PLEKHA7: variants seen among roughly 807,000 people sequenced by gnomAD.
The protein encoded by PLEKHA7 is pleckstrin homology domain-containing family A member 7.
A neutral mutation model predicts 170.0 loss-of-function variants in PLEKHA7; 104 were observed. That is an observed-to-expected ratio of 0.61 (90% CI 0.52 to 0.72). The LOEUF is 0.72. PLEKHA7 is among the 30% of genes least tolerant of loss of function. PLEKHA7 has a pLI of 0.00. For synonymous variants in PLEKHA7, 648 were observed against 660.8 expected (o/e 0.98, Z 0.30); for missense variants, 1,615 against 1,671.7 (o/e 0.97, Z 0.59).
At position 16,801,089 on chromosome 11, in the gene PLEKHA7, C is replaced by A. The variant is rs369148644; in HGVS notation, c.2308-14G>T. 8.1e-6 allele frequency: 13 copies of A among 1,610,460 alleles called. No homozygotes were observed. In the African/African-American group the frequency reaches 1.7e-4, roughly 22 times the overall value. The stretch of plus-strand genomic sequence containing the variant: ...ATTTTCCATCTCCTGTTGGCCAAGA[C>A]AATGCTTCCGGTTCTTAGTTATCCC... On this transcript the variant is annotated splice_polypyrimidine_tract_variant and intron_variant, in intron 16 of 26. Coordinates refer to ENST00000531066, the MANE Select transcript of PLEKHA7 (RefSeq NM_001329630.2).
intron 9 of PLEKHA7, among the ~76,000 whole-genome samples, chr11:16,840,202 TCTCA>T (rs975235063): frequency 5.3e-5 from 8 of 152,164 alleles, no homozygotes; most frequent in South Asian, 2.1e-4. Flanking sequence ...TCATCGAATC[TCTCA>T]CTCACTCACT....
At chr11:16,915,842 T>C (rs1285714955) in intron 3 of PLEKHA7, among the ~76,000 whole-genome samples, 3 of 149,840 alleles carry the variant, frequency 2.0e-5, no homozygotes, top group Admixed American at 6.6e-5. Context: ...TGTGTCTTTA[T>C]AGCAGCATGA....
At chr11:16,994,459 C>T (rs554614717) in intron 3 of PLEKHA7, among the ~76,000 whole-genome samples, 1 of 152,318 alleles carries the variant, frequency 6.6e-6, no homozygotes, top group South Asian at 2.1e-4. Context: ...TCACCTGCTG[C>T]AGGGGAGCTC....
intron 7 of PLEKHA7, 83 bp downstream of exon 7, chr11:16,852,200 G>T: frequency 8.3e-7 from 1 of 1,197,914 alleles, no homozygotes; most frequent in Non-Finnish European, 1.2e-6. Context: ...CCTGTGTTAG[G>T]ACTGGTAAAC....
chr11:16,880,859 T>G (rs1265118932), intron 3 of PLEKHA7, among the ~76,000 whole-genome samples: 1 of 152,216 alleles, frequency 6.6e-6, no homozygotes, highest in Admixed American at 6.5e-5. Flanking sequence ...ATGAGAAGGC[T>G]GGAGCAGGAG....
At chr11:16,855,014 C>T (rs756505648) in intron 5 of PLEKHA7, 21 bp from the exon 6 acceptor site, 12 of 1,604,566 alleles carry the variant, frequency 7.5e-6, no homozygotes, top group Non-Finnish European at 8.5e-6. Flanking sequence ...GCAGACTGAA[C>T]TTTAGCAACA....
At chr11:16,801,219 A>C in intron 16 of PLEKHA7, 144 bp from the exon 17 acceptor site, 2 of 708,140 alleles carry the variant, frequency 2.8e-6, no homozygotes, top group Non-Finnish European at 5.0e-6. Context: ...GAGAGAGAGG[A>C]GCAGGAAAGA....
At position 16,826,370 on chromosome 11, in the gene PLEKHA7, A is replaced by G; in HGVS notation, c.1093T>C (p.Tyr365His). ...KRDRSKARSP[Y>H]SPAEEDALFM... The stretch of plus-strand genomic sequence containing the variant: ...AAGGCATCCTCCTCGGCTGGCGAGT[A>G]CGGAGACCTGGCCTTGCTCCGGTCC... The change falls in exon 10 of 27, where the codon TAC becomes CAC. Residue 365 changes from tyrosine (Y) to histidine (H), a missense_variant. Tyr to His is a moderately conservative substitution (Grantham distance 83). Coordinates refer to ENST00000531066, the MANE Select transcript of PLEKHA7 (RefSeq NM_001329630.2). 1 of 1,614,238 alleles carries G rather than the reference A, an allele frequency of 6.2e-7. No homozygotes were observed. Among genetic ancestry groups the G allele is most frequent in the Non-Finnish European group, 8.5e-7 (1 of 1,180,042 alleles).
chr11:16,888,379 G>A (rs1856332577), intron 3 of PLEKHA7, among the ~76,000 whole-genome samples: 1 of 152,292 alleles, frequency 6.6e-6, no homozygotes, highest in Non-Finnish European at 1.5e-5. Context: ...CAATGATGAC[G>A]ATGGCGGTTT....
chr11:16,976,256 C>A (rs1165433238), intron 3 of PLEKHA7, among the ~76,000 whole-genome samples: 3 of 152,234 alleles, frequency 2.0e-5, no homozygotes, highest in African/African-American at 7.2e-5. Flanking sequence ...GGGAAATTGG[C>A]AAAGATCAGA....
intron 3 of PLEKHA7, among the ~76,000 whole-genome samples, chr11:16,990,292 A>AC: frequency 1.3e-5 from 2 of 150,464 alleles, no homozygotes; most frequent in Non-Finnish European, 3.0e-5. Flanking sequence ...AAAAAAAAAA[A>AC]AAAAAAACTT....
At chr11:16,982,934 C>T (rs1863528915) in intron 3 of PLEKHA7, among the ~76,000 whole-genome samples, 1 of 152,160 alleles carries the variant, frequency 6.6e-6, no homozygotes, top group African/African-American at 2.4e-5. Context: ...TACCTTCTGA[C>T]TCAAAGGCCT....
chr11:16,794,569 G>A lies in PLEKHA7; in HGVS notation c.2664C>T (p.Tyr888=), dbSNP rs767193404. The change falls in exon 19 of 27, where the codon TAC becomes TAT. Residue 888 remains tyrosine, a synonymous_variant. Coordinates refer to ENST00000531066, the MANE Select transcript of PLEKHA7 (RefSeq NM_001329630.2). ...EVRLFPQLQT[Y]VPYRPHPPQL... ...GGGGTGGGTGAGGTCGGTACGGCAC[G>A]TAGGTTTGCAGCTGGGGGAAGAGTC... The A allele has an allele frequency of 2.2e-5, 35 of 1,613,636 alleles. No individual in the cohort carries two copies. Among genetic ancestry groups the A allele is most frequent in the South Asian group, 1.3e-4 (12 of 91,050 alleles).
At chr11:16,962,431 G>A (rs1350237529) in intron 3 of PLEKHA7, among the ~76,000 whole-genome samples, 3 of 152,108 alleles carry the variant, frequency 2.0e-5, no homozygotes, top group African/African-American at 2.4e-5. Context: ...TTAAGTCTTC[G>A]CTCCCTGAGA....
At chr11:16,978,497 G>A (rs1476591367) in intron 3 of PLEKHA7, among the ~76,000 whole-genome samples, 3 of 152,226 alleles carry the variant, frequency 2.0e-5, no homozygotes, top group Admixed American at 6.5e-5. Context: ...CAAAGTGGTA[G>A]CAGGCTAGAT....
intron 3 of PLEKHA7, among the ~76,000 whole-genome samples, chr11:16,944,264 G>A (rs1338220864): frequency 6.6e-6 from 1 of 152,094 alleles, no homozygotes; most frequent in Non-Finnish European, 1.5e-5. Context: ...TGAGGCAGGA[G>A]AATTGCTTGA....
chr11:16,901,618 C>A (rs760922595), intron 3 of PLEKHA7, among the ~76,000 whole-genome samples: 8 of 152,158 alleles, frequency 5.3e-5, no homozygotes, highest in Non-Finnish European at 1.0e-4. Context: ...CCTGTAATCC[C>A]AGCATTTTGG....
intron 26 of PLEKHA7, among the ~76,000 whole-genome samples, chr11:16,779,813 C>T (rs930738403): frequency 1.3e-5 from 2 of 152,188 alleles, no homozygotes; most frequent in Non-Finnish European, 2.9e-5. Flanking sequence ...TCTCCAAACA[C>T]CTAGAGCTGC....
intron 3 of PLEKHA7, among the ~76,000 whole-genome samples, chr11:16,975,639 A>T (rs546639753): frequency 2.0e-5 from 3 of 152,290 alleles, no homozygotes; most frequent in Non-Finnish European, 4.4e-5. Context: ...GTTAAGTGAG[A>T]AAATACAAAA....
Sources: allele counts gnomAD v4.1 joint callset (sites outside exome capture counted in the v4.1 genomes callset), GRCh38; gene constraint gnomAD v4.1.1; transcripts MANE v1.5; gene names NCBI Gene and HGNC (gene_info 2026-07-23, HGNC 2026-07-21).